The following CFTR variants were observed in gnomAD, a reference collection of about 807,000 sequenced individuals.
CFTR encodes CF transmembrane conductance regulator.
CFTR carries 181 observed loss-of-function variants against 171.6 expected under a neutral mutation model. The ratio of observed to expected loss-of-function variants is 1.05; its 90% CI spans 0.93 to 1.19. CFTR has a LOEUF of 1.19. CFTR is among the 50% of genes most tolerant of loss of function. CFTR has a pLI of 0.00. For missense variants in CFTR, 1,968 were observed against 1,734.7 expected, an observed-to-expected ratio of 1.13 and a Z score of -2.39; for synonymous variants, 583 against 608.0, an observed-to-expected ratio of 0.96 and a Z score of 0.60.
intron 1 of CFTR, 132 bp downstream of exon 1, chr7:117,480,279 GA>G (rs1797981693): frequency 1.2e-6 from 1 of 809,676 alleles, no homozygotes; most frequent in Admixed American, 1.9e-5. Flanking sequence ...TGTTTTGAAA[GA>G]AAATGTGGGT....
Position 117,590,345 on chromosome 7 carries a change from C to T in CFTR, c.1680-8C>T. ...GGAAATGTAATTTAATTTCCATTTTCTTTTTAGAGCAGTATACAAAGATGC... is the reference window on the plus strand; with the variant it reads ...GGAAATGTAATTTAATTTCCATTTTTTTTTTAGAGCAGTATACAAAGATGC... On this transcript the variant is annotated splice_polypyrimidine_tract_variant and splice_region_variant and intron_variant, in intron 12 of 26. Coordinates refer to ENST00000003084, the MANE Select transcript of CFTR (RefSeq NM_000492.4). 6.2e-7 allele frequency: 1 copy of T among 1,601,120 alleles called. No individual in the cohort carries two copies. The highest frequency in any genetic ancestry group is 8.5e-7 in the Non-Finnish European group (1 of 1,171,024).
chr7:117,648,952 T>C (rs1287377411), intron 23 of CFTR, among the ~76,000 whole-genome samples: 1 of 152,094 alleles, frequency 6.6e-6, no homozygotes, highest in African/African-American at 2.4e-5. Context: ...GACAGTAAAC[T>C]GTAGACAAAA....
At chr7:117,576,983 T>A (rs1201023516) in intron 11 of CFTR, among the ~76,000 whole-genome samples, 1 of 152,040 alleles carries the variant, frequency 6.6e-6, no homozygotes, top group East Asian at 1.9e-4. Flanking sequence ...CTCACAGTCT[T>A]CGAAGGTAGA....
Position 117,668,193 on chromosome 7 carries a change from T to C in CFTR, c.*1085T>C, listed in dbSNP as rs1193949040. ...ATCATGAATTAGTTTTATATGCTTC[T>C]GTTTTATAATTTTGTGAAGCAAAAT... On this transcript the variant is annotated 3_prime_UTR_variant, in exon 27 of 27. Coordinates refer to ENST00000003084, the MANE Select transcript of CFTR (RefSeq NM_000492.4). The C allele has an allele frequency of 6.6e-6, 1 of 152,268 alleles. No homozygotes were observed. Among genetic ancestry groups the C allele is most frequent in the African/African-American group, 2.4e-5 (1 of 41,478 alleles). The allele number at this position is 152,268 out of a possible 1,614,324, so 9.4% of individuals were successfully genotyped here.
At chr7:117,660,852 T>C (rs892849658) in intron 24 of CFTR, among the ~76,000 whole-genome samples, 2 of 152,122 alleles carry the variant, frequency 1.3e-5, no homozygotes, top group Non-Finnish European at 2.9e-5. Flanking sequence ...ATTTTCCACT[T>C]ACTATTTTTC....
intron 3 of CFTR, among the ~76,000 whole-genome samples, chr7:117,518,361 A>G (rs1305804209): frequency 6.8e-6 from 1 of 147,082 alleles, no homozygotes. Flanking sequence ...AGTAATATTT[A>G]TTCTAAATAA....
At chr7:117,612,006 G>GATATATAT (rs375943671) in intron 20 of CFTR, among the ~76,000 whole-genome samples, 198 bp downstream of exon 20, 3 of 76,792 alleles carry the variant, frequency 3.9e-5, no homozygotes, top group Non-Finnish European at 5.2e-5. Flanking sequence ...CTTGAAATCG[G>GATATATAT]ATATATATAT....
At chr7:117,639,719 C>G (rs2116158648) in intron 22 of CFTR, among the ~76,000 whole-genome samples, 1 of 152,246 alleles carries the variant, frequency 6.6e-6, no homozygotes, top group Non-Finnish European at 1.5e-5. Flanking sequence ...AAACACATAT[C>G]CCATTTTCTA....
chr7:117,568,682 A>T (rs748181486), intron 11 of CFTR, among the ~76,000 whole-genome samples: 4 of 152,224 alleles, frequency 2.6e-5, no homozygotes, highest in African/African-American at 4.8e-5. Flanking sequence ...ATACATTGTG[A>T]AATGACTGCC....
chr7:117,559,590 ATCT>A lies in CFTR; in HGVS notation c.1521_1523del (p.Phe508del), dbSNP rs113993960. ...GCCTGGCACCATTAAAGAAAATATCATCTTTGGTGTTTCCTATGATGAATATAG... is the reference window on the plus strand; with the variant it reads ...GCCTGGCACCATTAAAGAAAATATCATTGGTGTTTCCTATGATGAATATAG... On this transcript the variant is annotated inframe_deletion, in exon 11 of 27. Coordinates refer to ENST00000003084, the MANE Select transcript of CFTR (RefSeq NM_000492.4). The A allele has an allele frequency of 0.012, 19,237 of 1,612,320 alleles. 58 individuals carry two copies. The highest frequency in any genetic ancestry group is 0.015 in the Non-Finnish European group (17,610 of 1,178,514).
In CFTR at chr7:117,490,354, C is replaced by CACA. The variant is rs767133170; in HGVS notation, c.53+10208_53+10209insCAA. On this transcript the variant is annotated intron_variant, in intron 1 of 26. Transcript: ENST00000003084. ...ACACACACACACACACACACACACA[C>CACA]AATTTATTATAAGGAATTGACTTAC... is the stretch of plus-strand genomic sequence containing the variant. Among the ~76,000 whole-genome samples the CACA allele has an allele frequency of 2.1e-5, 3 of 146,056 alleles. No individual in the cohort carries two copies. In the South Asian group the frequency reaches 6.4e-4, roughly 31 times the overall value.
intron 4 of CFTR, among the ~76,000 whole-genome samples, chr7:117,532,005 A>C (rs1197021754): frequency 6.6e-6 from 1 of 152,124 alleles, no homozygotes; most frequent in East Asian, 1.9e-4. Flanking sequence ...TATACCTGCA[A>C]GGTCAATTGT....
intron 3 of CFTR, among the ~76,000 whole-genome samples, chr7:117,516,392 T>C (rs758610754): frequency 6.6e-6 from 1 of 152,142 alleles, no homozygotes; most frequent in Non-Finnish European, 1.5e-5. Context: ...GTATACCATC[T>C]TTACCGTCAC....
chr7:117,613,540 T>G (rs940893258), intron 20 of CFTR, among the ~76,000 whole-genome samples: 5 of 152,180 alleles, frequency 3.3e-5, no homozygotes, highest in African/African-American at 1.2e-4. Context: ...CCAAAACACT[T>G]AGTATAGTGC....
Position 117,592,013 on chromosome 7 carries a change from A to G in CFTR, c.1846A>G (p.Ile616Val), listed in dbSNP as rs746288410. Residue 616 changes from isoleucine to valine, a missense_variant, in exon 14 of 27, where the codon ATA (isoleucine) becomes GTA (valine). Transcript: ENST00000003084. ...GGAACATTTAAAGAAAGCTGACAAA[A>G]TATTAATTTTGCATGAAGGTAGCAG... The part of the protein sequence containing the change: ...KMEHLKKADK[I>V]LILHEGSSYF... The G allele has an allele frequency of 3.1e-6, 5 of 1,593,138 alleles. No individual in the cohort carries two copies. The highest frequency in any genetic ancestry group is 4.3e-6 in the Non-Finnish European group (5 of 1,174,556).
At chr7:117,599,888 T>C (rs895911490) in intron 15 of CFTR, among the ~76,000 whole-genome samples, 7 of 152,086 alleles carry the variant, frequency 4.6e-5, no homozygotes, top group African/African-American at 1.7e-4. Context: ...CTGGTACAAC[T>C]GCTAATCCAG....
At chr7:117,532,864 C>T (rs1366275129) in intron 4 of CFTR, among the ~76,000 whole-genome samples, 2 of 152,140 alleles carry the variant, frequency 1.3e-5, no homozygotes, top group African/African-American at 2.4e-5. Flanking sequence ...GGTTTGCTCC[C>T]TAAAGTAAAC....
chr7:117,561,554 T>A (rs1799464789), intron 11 of CFTR, among the ~76,000 whole-genome samples: 1 of 152,110 alleles, frequency 6.6e-6, no homozygotes, highest in Non-Finnish European at 1.5e-5. Context: ...ACATTTCACA[T>A]AAATGAAATA....
At chr7:117,603,240 A>T (rs1330554555) in intron 16 of CFTR, among the ~76,000 whole-genome samples, 1 of 152,248 alleles carries the variant, frequency 6.6e-6, no homozygotes, top group Non-Finnish European at 1.5e-5. Flanking sequence ...TCTAAAGAAT[A>T]TAGTTCTGTT....
Sources: allele counts gnomAD v4.1 joint callset (sites outside exome capture counted in the v4.1 genomes callset), GRCh38; gene constraint gnomAD v4.1.1; transcripts MANE v1.5; gene names NCBI Gene and HGNC (gene_info 2026-07-23, HGNC 2026-07-21).